PLSCR1: variants seen among roughly 807,000 people sequenced by gnomAD.
PLSCR1 encodes the protein phospholipid scramblase 1, also known as PL scramblase 1.
Under a neutral mutation model 37.8 loss-of-function variants are expected in PLSCR1, and 17 were observed. The observed-to-expected ratio is 0.45, with a 90% CI of 0.31 to 0.68. The LOEUF is 0.68. Ranked by LOEUF, PLSCR1 falls within the 30% of genes least tolerant of loss-of-function variation. The pLI, the probability that PLSCR1 is intolerant of heterozygous loss-of-function variation, is 0.06. For synonymous variants in PLSCR1, 116 were observed against 125.9 expected (o/e 0.92, Z 0.53); for missense variants, 347 against 380.9 (o/e 0.91, Z 0.74).
rs149281339 is a variant in PLSCR1 at position 146,539,281 on chromosome 3, T to A, written c.-13-2716A>T. Among the ~76,000 whole-genome samples the A allele has an allele frequency of 8.7e-3, 1,319 of 152,290 alleles. 21 individuals are homozygous for A. The highest frequency in any genetic ancestry group is 0.03 in the African/African-American group (1,262 of 41,560). Reference sequence around the variant, plus strand: ...TAGGGTTCTTGCTCCTATGAGAATCTAATGCCACTGCTGATCTGACAGGAG... The same window carrying A: ...TAGGGTTCTTGCTCCTATGAGAATCAAATGCCACTGCTGATCTGACAGGAG... On this transcript the variant is annotated intron_variant, in intron 1 of 8. Coordinates refer to ENST00000342435, the MANE Select transcript of PLSCR1 (RefSeq NM_021105.3).
intron 2 of PLSCR1, among the ~76,000 whole-genome samples, chr3:146,534,190 C>G (rs1192654892): frequency 2.6e-5 from 4 of 152,082 alleles, no homozygotes; most frequent in African/African-American, 7.2e-5. Flanking sequence ...ATGGTTCAAC[C>G]TCCTAAATAT....
At chr3:146,523,958 A>G (rs1378798555) in intron 5 of PLSCR1, among the ~76,000 whole-genome samples, 1 of 152,238 alleles carries the variant, frequency 6.6e-6, no homozygotes, top group Non-Finnish European at 1.5e-5. Flanking sequence ...AAGTCACTCT[A>G]TAATGCCTAT....
At chr3:146,526,369 T>C (rs894540096) in intron 4 of PLSCR1, among the ~76,000 whole-genome samples, 1 of 151,898 alleles carries the variant, frequency 6.6e-6, no homozygotes, top group Non-Finnish European at 1.5e-5. Flanking sequence ...TAACAAATAA[T>C]GGTAAAAATG....
At chr3:146,537,097 G>C (rs959533755) in intron 1 of PLSCR1, among the ~76,000 whole-genome samples, 2 of 151,320 alleles carry the variant, frequency 1.3e-5, no homozygotes, top group African/African-American at 4.9e-5. Flanking sequence ...GAAGGCCTGA[G>C]ACGACTCCGT....
intron 4 of PLSCR1, among the ~76,000 whole-genome samples, chr3:146,527,580 T>G (rs567889487): frequency 6.6e-6 from 1 of 152,338 alleles, no homozygotes; most frequent in African/African-American, 2.4e-5. Context: ...AGTTTCAGAT[T>G]TGTATTAAGC....
At chr3:146,539,406 C>T (rs2044308735) in intron 1 of PLSCR1, among the ~76,000 whole-genome samples, 1 of 152,200 alleles carries the variant, frequency 6.6e-6, no homozygotes. Context: ...GCTGTACAAG[C>T]CCAGTTCCTA....
At chr3:146,537,061 T>C (rs1560090215) in intron 1 of PLSCR1, among the ~76,000 whole-genome samples, 1 of 152,100 alleles carries the variant, frequency 6.6e-6, no homozygotes, top group Non-Finnish European at 1.5e-5. Context: ...ATGTAGGTCT[T>C]GTGGACCTGT....
At chr3:146,527,975 A>G (rs1362625027) in intron 4 of PLSCR1, 1 of 152,214 alleles carries the variant, frequency 6.6e-6, no homozygotes, top group African/African-American at 2.4e-5. Context: ...TGGCATTTAT[A>G]AAATTAGGTC....
rs542989359 is a variant in PLSCR1 at position 146,520,488 on chromosome 3, A to G, written c.738+1056T>C. Reference sequence around the variant, plus strand: ...AAATTTTTATACATGCATATTATGCACACATATACATACACACATTATATA... The same window carrying G: ...AAATTTTTATACATGCATATTATGCGCACATATACATACACACATTATATA... On this transcript the variant is annotated intron_variant, in intron 7 of 8. Transcript: ENST00000342435. Among the ~76,000 whole-genome samples the G allele has an allele frequency of 9.2e-5, 14 of 152,304 alleles. No homozygotes were observed. In the East Asian group the frequency reaches 2.7e-3, roughly 29 times the overall value.
At chr3:146,527,719 A>G (rs2688692) in intron 4 of PLSCR1, among the ~76,000 whole-genome samples, 60,570 of 152,038 alleles carry the variant, frequency 0.4, 12,217 homozygotes, top group African/African-American at 0.45. Flanking sequence ...TCCTATGATT[A>G]TGCCACTTAA....
At chr3:146,541,363 A>G (rs995731571) in intron 1 of PLSCR1, among the ~76,000 whole-genome samples, 1 of 152,218 alleles carries the variant, frequency 6.6e-6, no homozygotes, top group African/African-American at 2.4e-5. Context: ...ATACTGAATC[A>G]GTTATTCTCA....
chr3:146,517,020 C>A lies in PLSCR1; in HGVS notation c.886G>T (p.Ala296Ser), dbSNP rs537144943. The A allele has an allele frequency of 1.3e-6, 2 of 1,591,664 alleles. No homozygotes were observed. Among genetic ancestry groups the A allele is most frequent in the Non-Finnish European group, 1.7e-6 (2 of 1,169,060 alleles). Residue 296 changes from alanine to serine, a missense_variant, in exon 8 of 9, where the codon GCC (alanine) becomes TCC (serine). Physicochemically the swap from Ala to Ser is moderately conservative, Grantham distance 99 (BLOSUM62 1). Coordinates refer to ENST00000342435, the MANE Select transcript of PLSCR1 (RefSeq NM_021105.3). ...AACAGACTTACAATGAGGAAACAGG[C>A]ACCAATCATTACAGCTTTCATTTTA... ...DVKMKAVMIGACFLIDFMFFE... is the reference protein window; with the variant it reads ...DVKMKAVMIGSCFLIDFMFFE...
Position 146,515,955 on chromosome 3 carries a change from C to T in PLSCR1, c.*90G>A. ...AAAAGTATACAACCAGAGCTACAGG[C>T]CTTACAGCTTAATTCATACAGGTAT... On this transcript the variant is annotated 3_prime_UTR_variant, in exon 9 of 9. Transcript: ENST00000342435. The T allele has an allele frequency of 1.3e-6, 1 of 758,390 alleles. No homozygotes were observed. The highest frequency in any genetic ancestry group is 2.3e-6 in the Non-Finnish European group (1 of 441,126). 47.0% of individuals were successfully genotyped at this position (758,390 alleles called of 1,614,324 possible). A position where few individuals can be genotyped will look rare whatever the true frequency, so the allele number is the denominator to read the frequency against.
intron 8 of PLSCR1, chr3:146,516,379 C>A: frequency 3.7e-6 from 1 of 273,078 alleles, no homozygotes; most frequent in Non-Finnish European, 6.8e-6. Context: ...TTTTCTCTAT[C>A]CCCATAATTC....
At chr3:146,527,056 G>A (rs1252424270) in intron 4 of PLSCR1, among the ~76,000 whole-genome samples, 1 of 152,174 alleles carries the variant, frequency 6.6e-6, no homozygotes, top group Admixed American at 6.5e-5. Flanking sequence ...AGAATAGCTT[G>A]AACCCGGGAG....
At chr3:146,533,937 G>A (rs2044232740) in intron 2 of PLSCR1, among the ~76,000 whole-genome samples, 1 of 152,036 alleles carries the variant, frequency 6.6e-6, no homozygotes, top group African/African-American at 2.4e-5. Flanking sequence ...AATTATGGAT[G>A]ATTTTAAAGA....
intron 3 of PLSCR1, among the ~76,000 whole-genome samples, chr3:146,530,833 T>G (rs2044187814): frequency 6.6e-6 from 1 of 152,164 alleles, no homozygotes; most frequent in Non-Finnish European, 1.5e-5. Flanking sequence ...CTGGAGGAAT[T>G]TAAGCAGAAG....
In PLSCR1 at chr3:146,522,152, C is replaced by T. The variant is rs917778000; in HGVS notation, c.356-99G>A. 8.2e-6 allele frequency: 6 copies of T among 735,348 alleles called. 1 individual carries two copies. The highest frequency in any genetic ancestry group is 5.3e-5 in the African/African-American group (3 of 56,890). The allele number at this position is 735,348 out of a possible 1,614,324, so 45.6% of individuals were successfully genotyped here. A position where few individuals can be genotyped will look rare whatever the true frequency, so the allele number is the denominator to read the frequency against. The stretch of plus-strand genomic sequence containing the variant: ...CTAGCTATGCCAGTTTTTGATGATA[C>T]CCCAAGTGGCATAAGGAGGAGAAGA... On this transcript the variant is annotated intron_variant, in intron 5 of 8. Transcript: ENST00000342435.
chr3:146,537,939 A>C (rs2044288013), intron 1 of PLSCR1: 1 of 152,194 alleles, frequency 6.6e-6, no homozygotes, highest in Admixed American at 6.5e-5. Flanking sequence ...AAAATTTTAT[A>C]ATCAACTTAA....
Sources: gnomAD v4.1 joint callset for allele counts (sites outside exome capture counted in the v4.1 genomes callset) on GRCh38, gnomAD v4.1.1 for gene constraint, MANE v1.5 for transcripts, NCBI Gene and HGNC (gene_info 2026-07-23, HGNC 2026-07-21) for gene names.